Variants in ALK observed in about 807,000 individuals in gnomAD.
The protein encoded by ALK is ALK receptor tyrosine kinase.
A neutral mutation model predicts 163.1 loss-of-function variants in ALK; 74 were observed. The observed-to-expected ratio is 0.45, with a 90% CI of 0.38 to 0.55. The LOEUF (loss-of-function observed/expected upper bound fraction) is 0.55. Ranked by LOEUF, ALK falls within the 20% of genes least tolerant of loss-of-function variation. ALK has a pLI of 0.00. For missense variants in ALK, 2,063 were observed against 2,105.3 expected, an observed-to-expected ratio of 0.98 and a Z score of 0.39; for synonymous variants, 960 against 843.2, an observed-to-expected ratio of 1.14 and a Z score of -2.40.
At chr2:29,606,365 G>T (rs1229735456) in intron 3 of ALK, among the ~76,000 whole-genome samples, 2 of 152,226 alleles carry the variant, frequency 1.3e-5, no homozygotes, top group Non-Finnish European at 2.9e-5. Context: ...GAATCATGAG[G>T]AAAAGGGCAG....
At chr2:29,477,630 T>C (rs1458475865) in intron 4 of ALK, among the ~76,000 whole-genome samples, 1 of 152,156 alleles carries the variant, frequency 6.6e-6, no homozygotes, top group African/African-American at 2.4e-5. Flanking sequence ...GATCTTCTTG[T>C]CCTGGGACAC....
At chr2:29,604,925 A>G (rs891692128) in intron 3 of ALK, among the ~76,000 whole-genome samples, 8 of 152,194 alleles carry the variant, frequency 5.3e-5, no homozygotes, top group African/African-American at 9.7e-5. Context: ...CCTCTCTTCA[A>G]TCATTCCTGT....
chr2:29,326,282 G>A (rs1034504875), intron 6 of ALK, among the ~76,000 whole-genome samples: 1 of 152,192 alleles, frequency 6.6e-6, no homozygotes, highest in Non-Finnish European at 1.5e-5. Context: ...GTAATGGACT[G>A]GATCCTGAAG....
At chr2:29,702,399 T>G (rs936154537) in intron 2 of ALK, among the ~76,000 whole-genome samples, 3 of 151,958 alleles carry the variant, frequency 2.0e-5, no homozygotes, top group Admixed American at 6.6e-5. Flanking sequence ...GGAGCCAGAG[T>G]GTCTTCGCTA....
At chr2:29,493,451 T>C (rs1193422983) in intron 4 of ALK, among the ~76,000 whole-genome samples, 1 of 152,204 alleles carries the variant, frequency 6.6e-6, no homozygotes, top group Admixed American at 6.5e-5. Context: ...GTCTGTTCCA[T>C]AACAAAACGA....
At chr2:29,599,085 T>C (rs762431405) in intron 3 of ALK, among the ~76,000 whole-genome samples, 1 of 151,800 alleles carries the variant, frequency 6.6e-6, no homozygotes, top group Non-Finnish European at 1.5e-5. Context: ...GTGTCATCAA[T>C]AGATAAGTTA....
intron 4 of ALK, among the ~76,000 whole-genome samples, chr2:29,443,492 C>T (rs1670596091): frequency 6.6e-6 from 1 of 152,174 alleles, no homozygotes; most frequent in African/African-American, 2.4e-5. Flanking sequence ...TTTTGGCTCC[C>T]TTCCAGTTTG....
intron 8 of ALK, among the ~76,000 whole-genome samples, chr2:29,314,863 A>C (rs1573219433): frequency 6.6e-6 from 1 of 152,032 alleles, no homozygotes; most frequent in African/African-American, 2.4e-5. Context: ...GTCAGCCGCC[A>C]CTCTGCCGTG....
At position 29,226,905 on chromosome 2, in the gene ALK, T is replaced by C; in HGVS notation, c.3067+17A>G. The C allele has an allele frequency of 6.2e-7, 1 of 1,613,688 alleles. No individual in the cohort carries two copies. Among genetic ancestry groups the C allele is most frequent in the Non-Finnish European group, 8.5e-7 (1 of 1,179,978 alleles). On this transcript the variant is annotated intron_variant, in intron 18 of 28. Coordinates refer to ENST00000389048, the MANE Select transcript of ALK (RefSeq NM_004304.5). ...AGGCTATGGGCCCCTCTGCCTCCCC[T>C]GGCCCTGCCCCCTTACCAATGCAGG...
intron 2 of ALK, among the ~76,000 whole-genome samples, chr2:29,703,714 G>A (rs1451535285): frequency 6.6e-6 from 1 of 152,188 alleles, no homozygotes; most frequent in Admixed American, 6.5e-5. Flanking sequence ...TTAGGATTTT[G>A]TTGTACCAAA....
At chr2:29,278,572 T>C (rs1665604205) in intron 9 of ALK, among the ~76,000 whole-genome samples, 1 of 152,206 alleles carries the variant, frequency 6.6e-6, no homozygotes, top group Non-Finnish European at 1.5e-5. Context: ...AGTCCATAGA[T>C]GAGTTTCTGG....
At chr2:29,871,896 G>A (rs867926302) in intron 1 of ALK, among the ~76,000 whole-genome samples, 1 of 152,174 alleles carries the variant, frequency 6.6e-6, no homozygotes. Context: ...TTACCTGCCC[G>A]ATCAGGTGAG....
chr2:29,214,197 C>T, intron 23 of ALK, 116 bp from the exon 24 acceptor site: 3 of 854,644 alleles, frequency 3.5e-6, no homozygotes, highest in Non-Finnish European at 5.8e-6. Flanking sequence ...GCAGCTACAC[C>T]AGGGGCCTCG....
intron 4 of ALK, among the ~76,000 whole-genome samples, chr2:29,459,237 A>C (rs1386578503): frequency 6.6e-6 from 1 of 151,982 alleles, no homozygotes; most frequent in East Asian, 1.9e-4. Context: ...TAATTTACCG[A>C]GAGGTTAACA....
chr2:29,469,283 T>C (rs1030931361), intron 4 of ALK, among the ~76,000 whole-genome samples: 1 of 152,190 alleles, frequency 6.6e-6, no homozygotes, highest in Non-Finnish European at 1.5e-5. Flanking sequence ...AAATCAGTGA[T>C]CACCAGCCAC....
intron 1 of ALK, among the ~76,000 whole-genome samples, chr2:29,828,748 A>T (rs1169228972): frequency 4.6e-5 from 7 of 151,098 alleles, no homozygotes; most frequent in South Asian, 2.1e-4. Flanking sequence ...ATTGTGGAAG[A>T]CAGTGTGGCG....
chr2:29,361,206 G>A (rs531142516), intron 5 of ALK, among the ~76,000 whole-genome samples: 2 of 152,362 alleles, frequency 1.3e-5, no homozygotes, highest in Admixed American at 6.5e-5. Context: ...TTCAGATGGG[G>A]CATAAACCAA....
rs115350949 is a variant in ALK, at chr2:29,763,428, C to G, written c.668-45731G>C. Among the ~76,000 whole-genome samples, 171 of 152,266 alleles carry G rather than the reference C, an allele frequency of 1.1e-3. 1 individual carries two copies. Among genetic ancestry groups the G allele is most frequent in the African/African-American group, 4.0e-3 (166 of 41,538 alleles). On this transcript the variant is annotated intron_variant, in intron 1 of 28. Transcript: ENST00000389048. ...AGGATCTTTCTGCCTGGATGGAGAA[C>G]TTGGCATTTAGAACTGTAAGAATAA...
rs2148178511 is a variant in ALK, at chr2:29,226,999, A to T, written c.2990T>A (p.Met997Lys). ...CSHCEVDECH[M>K]DPESHKVICF... ...GATGACCTTGTGGCTTTCAGGGTCC[A>T]TGTGACATTCGTCTACCTCACAGTG... Residue 997 changes from methionine to lysine, a missense_variant, in exon 18 of 29, where the codon ATG becomes AAG. Met to Lys is a moderately conservative substitution (Grantham distance 95, BLOSUM62 -1). This residue lies in a region of ALK where 575 missense variants were observed against 626.6 expected (regional missense o/e 0.92). Coordinates refer to ENST00000389048, the MANE Select transcript of ALK (RefSeq NM_004304.5). The T allele has an allele frequency of 5.0e-6, 8 of 1,614,202 alleles. No individual in the cohort carries two copies. Among genetic ancestry groups the T allele is most frequent in the Non-Finnish European group, 6.8e-6 (8 of 1,180,042 alleles).
Sources: allele counts gnomAD v4.1 joint callset (sites outside exome capture counted in the v4.1 genomes callset), GRCh38; gene constraint gnomAD v4.1.1; regional missense constraint gnomAD v4.1.1; transcripts MANE v1.5; gene names NCBI Gene and HGNC (gene_info 2026-07-23, HGNC 2026-07-21).